The following MALRD1 variants were observed in gnomAD, a reference collection of about 807,000 sequenced individuals.
MALRD1 encodes the protein MAM and LDL receptor class A domain containing 1.
In MALRD1, 247 loss-of-function variants were observed where a neutral mutation model predicts 242.1. That is an observed-to-expected ratio of 1.02 (90% confidence interval 0.92 to 1.13). MALRD1 has a LOEUF of 1.13. Among genes scored for constraint, MALRD1 ranks in the 50% most tolerant of loss-of-function variants. MALRD1 has a pLI of 0.00. For missense variants in MALRD1, 2,989 were observed against 2,533.1 expected (o/e 1.18, Z -3.86); for synonymous variants, 995 against 866.6 (o/e 1.15, Z -2.60).
intron 26 of MALRD1, among the ~76,000 whole-genome samples, chr10:19,386,742 A>AC (rs1846097307): frequency 2.6e-5 from 4 of 151,414 alleles, no homozygotes; most frequent in African/African-American, 4.8e-5. Flanking sequence ...ACACACACAC[A>AC]ATACTCTTTT....
intron 19 of MALRD1, among the ~76,000 whole-genome samples, chr10:19,260,642 G>T (rs1024268853): frequency 6.6e-6 from 1 of 151,982 alleles, no homozygotes; most frequent in African/African-American, 2.4e-5. Flanking sequence ...CCATTCTTAC[G>T]TATTTTATTT....
intron 4 of MALRD1, among the ~76,000 whole-genome samples, chr10:19,101,447 A>G (rs1836249762): frequency 7.1e-6 from 1 of 140,692 alleles, no homozygotes; most frequent in South Asian, 2.1e-4. Flanking sequence ...ATAATTACAT[A>G]TTATATAATT....
chr10:19,696,476 G>A (rs970884271), intron 38 of MALRD1, among the ~76,000 whole-genome samples: 10 of 152,030 alleles, frequency 6.6e-5, no homozygotes, highest in African/African-American at 1.9e-4. Flanking sequence ...TTATACAACC[G>A]CCTGATGAAT....
chr10:19,331,292 G>A (rs1413159673), intron 23 of MALRD1, 77 bp from the exon 24 acceptor site: 1 of 1,146,892 alleles, frequency 8.7e-7, no homozygotes, highest in African/African-American at 1.6e-5. Flanking sequence ...CACGATTGAT[G>A]TGCTTGATAC....
At chr10:19,122,313 G>C (rs1357804294) in intron 5 of MALRD1, among the ~76,000 whole-genome samples, 1 of 152,152 alleles carries the variant, frequency 6.6e-6, no homozygotes, top group African/African-American at 2.4e-5. Flanking sequence ...TGGACCACTT[G>C]AAATGAAGAC....
At chr10:19,556,560 T>C (rs1297194207) in intron 32 of MALRD1, among the ~76,000 whole-genome samples, 1 of 152,156 alleles carries the variant, frequency 6.6e-6, no homozygotes, top group Non-Finnish European at 1.5e-5. Flanking sequence ...AAAATATACA[T>C]GTAAGTCCCC....
At chr10:19,236,084 C>T (rs1838305154) in intron 18 of MALRD1, among the ~76,000 whole-genome samples, 1 of 152,130 alleles carries the variant, frequency 6.6e-6, no homozygotes, top group Non-Finnish European at 1.5e-5. Context: ...TGGGTGACTA[C>T]TCGAGGAGTT....
intron 5 of MALRD1, among the ~76,000 whole-genome samples, chr10:19,106,084 C>T (rs867875721): frequency 6.6e-6 from 1 of 151,840 alleles, no homozygotes; most frequent in South Asian, 2.1e-4. Context: ...AAATATTTTA[C>T]ATATTTATGG....
chr10:19,222,116 C>T (rs1056605429), intron 18 of MALRD1, among the ~76,000 whole-genome samples: 10 of 151,952 alleles, frequency 6.6e-5, no homozygotes, highest in African/African-American at 2.4e-4. Context: ...TCCCTTCTTG[C>T]CAGCCTCCTT....
chr10:19,114,626 A>G (rs1836805759), intron 5 of MALRD1, among the ~76,000 whole-genome samples: 1 of 152,196 alleles, frequency 6.6e-6, no homozygotes, highest in Non-Finnish European at 1.5e-5. Context: ...TCCTGGAAAA[A>G]AAAATGATAT....
intron 14 of MALRD1, among the ~76,000 whole-genome samples, chr10:19,176,109 TCA>T (rs1386889529): frequency 2.6e-5 from 4 of 152,102 alleles, no homozygotes; most frequent in Non-Finnish European, 5.9e-5. Context: ...CTGAAAAGTG[TCA>T]CACTTTATTT....
intron 8 of MALRD1, 43 bp downstream of exon 8, chr10:19,128,430 G>T: frequency 8.2e-7 from 1 of 1,213,178 alleles, no homozygotes; most frequent in Non-Finnish European, 1.0e-6. Context: ...TTGAATCAAT[G>T]AAGTTTCTAA....
At chr10:19,264,625 T>C (rs1403363949) in intron 19 of MALRD1, among the ~76,000 whole-genome samples, 1 of 152,012 alleles carries the variant, frequency 6.6e-6, no homozygotes. Context: ...AGCTAATTTT[T>C]TGTACTTTTC....
intron 36 of MALRD1, among the ~76,000 whole-genome samples, chr10:19,648,957 T>A (rs952755264): frequency 6.6e-6 from 1 of 152,192 alleles, no homozygotes; most frequent in Non-Finnish European, 1.5e-5. Context: ...GTTCTTATCA[T>A]TGAGCCCCCA....
chr10:19,547,362 C>T (rs1835252588), intron 32 of MALRD1, among the ~76,000 whole-genome samples: 1 of 152,030 alleles, frequency 6.6e-6, no homozygotes, highest in African/African-American at 2.4e-5. Context: ...CCGACTGGAA[C>T]ACAGGAAACC....
chr10:19,173,815 G>A (rs941170311), intron 13 of MALRD1, among the ~76,000 whole-genome samples: 1 of 152,098 alleles, frequency 6.6e-6, no homozygotes, highest in Non-Finnish European at 1.5e-5. Context: ...TCTTCTTTGA[G>A]TCTCCTAGTA....
intron 18 of MALRD1, among the ~76,000 whole-genome samples, chr10:19,217,218 A>G (rs1026676652): frequency 3.3e-5 from 5 of 152,140 alleles, no homozygotes; most frequent in Non-Finnish European, 7.3e-5. Flanking sequence ...TCCATGATTT[A>G]TGGAATAAAG....
intron 29 of MALRD1, among the ~76,000 whole-genome samples, chr10:19,451,119 A>C (rs1334556790): frequency 6.6e-6 from 1 of 152,184 alleles, no homozygotes; most frequent in East Asian, 1.9e-4. Flanking sequence ...AACATGGATA[A>C]TTTTTCCCTT....
intron 26 of MALRD1, among the ~76,000 whole-genome samples, chr10:19,360,612 G>A (rs1027743367): frequency 1.3e-5 from 2 of 151,890 alleles, no homozygotes; most frequent in African/African-American, 4.8e-5. Flanking sequence ...ATACAATTCT[G>A]TATGGCCTGC....
Sources: gnomAD v4.1 joint callset for allele counts (sites outside exome capture counted in the v4.1 genomes callset) on GRCh38, gnomAD v4.1.1 for gene constraint, MANE v1.5 for transcripts, NCBI Gene and HGNC (gene_info 2026-07-23, HGNC 2026-07-21) for gene names.